Variants in PLXNA4 observed in about 807,000 individuals in gnomAD.
PLXNA4 encodes plexin-A4.
PLXNA4 carries 44 observed loss-of-function variants against 191.8 expected under a neutral mutation model. The observed-to-expected ratio is 0.23, with a 90% CI of 0.18 to 0.29. PLXNA4 has a LOEUF of 0.29. Among genes scored for constraint, PLXNA4 ranks in the 10% least tolerant of loss-of-function variants. The probability of loss-of-function intolerance (pLI) is 1.00; values close to 1 mark genes in which losing one functional copy is unlikely to be tolerated. For missense variants in PLXNA4, 1,800 were observed against 2,488.8 expected (o/e 0.72, Z 5.89); for synonymous variants, 1,082 against 1,009.5 (o/e 1.07, Z -1.36).
intron 21 of PLXNA4, among the ~76,000 whole-genome samples, chr7:132,172,930 T>TA (rs1399657093): frequency 1.3e-5 from 2 of 152,188 alleles, no homozygotes; most frequent in African/African-American, 4.8e-5. Flanking sequence ...TGTTCAGACA[T>TA]AATTTCCCGT....
chr7:132,257,550 TG>T (rs1799476180), intron 4 of PLXNA4, among the ~76,000 whole-genome samples: 1 of 152,220 alleles, frequency 6.6e-6, no homozygotes, highest in African/African-American at 2.4e-5. Context: ...ACTTCAGGGC[TG>T]GCCATATCCT....
intron 3 of PLXNA4, among the ~76,000 whole-genome samples, chr7:132,350,188 C>T (rs1281179912): frequency 1.3e-5 from 2 of 152,156 alleles, no homozygotes; most frequent in Non-Finnish European, 2.9e-5. Context: ...TATTAACTTG[C>T]AGACCAGTTC....
At chr7:132,256,138 C>T (rs777943703) in intron 4 of PLXNA4, among the ~76,000 whole-genome samples, 15 of 152,180 alleles carry the variant, frequency 9.9e-5, no homozygotes, top group Non-Finnish European at 1.5e-4. Flanking sequence ...GGCAGTGAGG[C>T]CCAGCATGGT....
At chr7:132,601,284 G>GA (rs5887583) in intron 2 of PLXNA4, among the ~76,000 whole-genome samples, 4 of 149,882 alleles carry the variant, frequency 2.7e-5, no homozygotes, top group East Asian at 2.0e-4. Flanking sequence ...TGAGTCAAAA[G>GA]AAAAAAAAAA....
intron 3 of PLXNA4, among the ~76,000 whole-genome samples, chr7:132,399,757 T>A (rs73436773): frequency 0.11 from 16,203 of 152,244 alleles, 1,714 homozygotes; most frequent in African/African-American, 0.25. Flanking sequence ...GTTTTATTCC[T>A]GATGAAAGTA....
At chr7:132,309,267 C>A (rs536695289) in intron 3 of PLXNA4, among the ~76,000 whole-genome samples, 1 of 152,158 alleles carries the variant, frequency 6.6e-6, no homozygotes, top group Non-Finnish European at 1.5e-5. Context: ...AGTGGAGAAC[C>A]ACAGCCTGGC....
chr7:132,349,867 C>CT (rs139371757), intron 3 of PLXNA4, among the ~76,000 whole-genome samples: 2,283 of 152,074 alleles, frequency 0.015, 58 homozygotes, highest in African/African-American at 0.052. Flanking sequence ...CATCACCGTC[C>CT]TTTTTTTTAA....
At chr7:132,166,979 G>A (rs942843917) in intron 22 of PLXNA4, among the ~76,000 whole-genome samples, 9 of 152,120 alleles carry the variant, frequency 5.9e-5, no homozygotes, top group African/African-American at 2.2e-4. Flanking sequence ...TCTATCTGCT[G>A]GACCAAGTGG....
Position 132,236,595 on chromosome 7 carries a change from C to T in PLXNA4, c.1604+4471G>A, listed in dbSNP as rs1443889816. Among the ~76,000 whole-genome samples, 7 of 152,076 alleles carry T rather than the reference C, an allele frequency of 4.6e-5. No individual in the cohort carries two copies. In the East Asian group the frequency reaches 1.4e-3, roughly 29 times the overall value. On this transcript the variant is annotated intron_variant, in intron 5 of 31. Transcript: ENST00000321063. ...CACTGTGAATCCAAGGCCTGGTTCC[C>T]CAAAATCTTTAGGGCAGAGATGACC... is the stretch of plus-strand genomic sequence containing the variant.
chr7:132,451,110 G>A (rs1240311751), intron 3 of PLXNA4, among the ~76,000 whole-genome samples: 1 of 152,202 alleles, frequency 6.6e-6, no homozygotes, highest in East Asian at 1.9e-4. Flanking sequence ...ATGCCTTATG[G>A]AAGACCGTGT....
chr7:132,347,642 A>AG (rs1357361347), intron 3 of PLXNA4, among the ~76,000 whole-genome samples: 1 of 152,174 alleles, frequency 6.6e-6, no homozygotes, highest in Non-Finnish European at 1.5e-5. Flanking sequence ...AGTGTTGAGT[A>AG]GGTCACAGAG....
chr7:132,255,402 C>T (rs1014862143), intron 4 of PLXNA4, among the ~76,000 whole-genome samples: 3 of 152,190 alleles, frequency 2.0e-5, no homozygotes, highest in African/African-American at 7.2e-5. Flanking sequence ...CAGTCCTAGA[C>T]CATCCAAACC....
At chr7:132,395,890 A>G (rs932225359) in intron 3 of PLXNA4, among the ~76,000 whole-genome samples, 2 of 152,250 alleles carry the variant, frequency 1.3e-5, no homozygotes, top group Admixed American at 1.3e-4. Flanking sequence ...ACACATGTTC[A>G]AGACACAGAA....
At chr7:132,553,587 C>G (rs1226533995) in intron 1 of PLXNA4, among the ~76,000 whole-genome samples, 1 of 152,162 alleles carries the variant, frequency 6.6e-6, no homozygotes, top group African/African-American at 2.4e-5. Context: ...ACCCCTGCAC[C>G]AGTCCATATC....
intron 3 of PLXNA4, among the ~76,000 whole-genome samples, chr7:132,365,322 G>A (rs905231631): frequency 3.6e-5 from 5 of 140,120 alleles, no homozygotes; most frequent in East Asian, 2.0e-4. Flanking sequence ...TCTTTCCTAC[G>A]GCCCGCGTGT....
At chr7:132,228,549 C>A in intron 5 of PLXNA4, 80 bp from the exon 6 acceptor site, 1 of 1,561,618 alleles carries the variant, frequency 6.4e-7, no homozygotes. Context: ...TCAGGTGTTT[C>A]CAGCAGCTCC....
rs144976053 is a variant in PLXNA4 at position 132,452,326 on chromosome 7, C to T, written c.1371+36966G>A. Reference sequence around the variant, plus strand: ...GCCAGGCTTCTGCCTCCCACATTAGCGTCCCACCCATCAGGAAGCATGCCA... The same window carrying T: ...GCCAGGCTTCTGCCTCCCACATTAGTGTCCCACCCATCAGGAAGCATGCCA... On this transcript the variant is annotated intron_variant, in intron 3 of 31. Coordinates refer to ENST00000321063, the MANE Select transcript of PLXNA4 (RefSeq NM_020911.2). Among the ~76,000 whole-genome samples, 518 of 152,298 alleles carry T rather than the reference C, an allele frequency of 3.4e-3. 3 individuals are homozygous for T. The highest frequency in any genetic ancestry group is 5.7e-3 in the Admixed American group (87 of 15,306).
chr7:132,462,841 T>A lies in PLXNA4; in HGVS notation c.1371+26451A>T, dbSNP rs1451722145. ...AAATAACACACATTTCTATAATTTT[T>A]TTTTTTTTTTTTTTTTTTTGTGAGG... On this transcript the variant is annotated intron_variant, in intron 3 of 31. Coordinates refer to ENST00000321063, the MANE Select transcript of PLXNA4 (RefSeq NM_020911.2). Among the ~76,000 whole-genome samples, 3 of 18,172 alleles carry A rather than the reference T, an allele frequency of 1.7e-4. No individual in the cohort carries two copies. In the East Asian group the frequency reaches 3.8e-3, roughly 23 times the overall value. The allele number at this position is 18,172 out of a possible 152,430, so 11.9% of individuals were successfully genotyped here. A position where few individuals can be genotyped will look rare whatever the true frequency, so the allele number is the denominator to read the frequency against.
intron 4 of PLXNA4, among the ~76,000 whole-genome samples, chr7:132,290,843 G>A (rs911817995): frequency 6.6e-6 from 1 of 152,176 alleles, no homozygotes; most frequent in African/African-American, 2.4e-5. Context: ...GGCATTTGCT[G>A]CAAGAGCTCA....
Sources: gnomAD v4.1 joint callset for allele counts (sites outside exome capture counted in the v4.1 genomes callset) on GRCh38, gnomAD v4.1.1 for gene constraint, MANE v1.5 for transcripts, NCBI Gene and HGNC (gene_info 2026-07-23, HGNC 2026-07-21) for gene names.